Variants in TIPRL observed in about 807,000 individuals in gnomAD.
TIPRL encodes TIP41-like protein.
Under a neutral mutation model 32.3 loss-of-function variants are expected in TIPRL, and 10 were observed. The ratio of observed to expected loss-of-function variants is 0.31; its 90% CI spans 0.19 to 0.52. The LOEUF (loss-of-function observed/expected upper bound fraction) is 0.52, where lower values mean the gene tolerates loss of function less well. TIPRL is among the 20% of genes least tolerant of loss of function. The pLI is 0.96. For synonymous variants in TIPRL, 100 were observed against 114.0 expected, an observed-to-expected ratio of 0.88 and a Z score of 0.78; for missense variants, 250 against 328.1, an observed-to-expected ratio of 0.76 and a Z score of 1.84.
intron 1 of TIPRL, among the ~76,000 whole-genome samples, chr1:168,180,805 C>T (rs371374033): frequency 1.9e-4 from 25 of 132,166 alleles, no homozygotes; most frequent in Middle Eastern, 7.9e-3. Flanking sequence ...TCTTTCTTTT[C>T]TTTTTTTTTT....
chr1:168,179,348 G>A (rs1195423051), intron 1 of TIPRL, among the ~76,000 whole-genome samples, 167 bp downstream of exon 1: 1 of 152,148 alleles, frequency 6.6e-6, no homozygotes, highest in Non-Finnish European at 1.5e-5. Context: ...TCACACTTCC[G>A]GGCCCTTTGG....
At chr1:168,195,280 C>G (rs1173718021) in intron 4 of TIPRL, among the ~76,000 whole-genome samples, 1 of 152,188 alleles carries the variant, frequency 6.6e-6, no homozygotes, top group East Asian at 1.9e-4. Flanking sequence ...TGCAGGTCCC[C>G]TTTCTGAAAT....
intron 1 of TIPRL, among the ~76,000 whole-genome samples, chr1:168,180,119 G>C (rs1699941594): frequency 2.0e-5 from 3 of 152,186 alleles, no homozygotes; most frequent in African/African-American, 4.8e-5. Context: ...TTTCTCTGGA[G>C]GCCATGTTGA....
chr1:168,192,212 G>C, intron 4 of TIPRL: 3 of 1,490,176 alleles, frequency 2.0e-6, no homozygotes, highest in Non-Finnish European at 2.7e-6. Flanking sequence ...TTTCAGCCTG[G>C]TGGCGGGCAC....
Position 168,178,982 on chromosome 1 carries a change from T to G in TIPRL, c.-96T>G. The stretch of plus-strand genomic sequence containing the variant: ...CGGGCATGGTAACGGCTCGGAAGCC[T>G]AGGAGGCTGGGCCGGAGGGAGGCGG... On this transcript the variant is annotated 5_prime_UTR_variant, in exon 1 of 7. Coordinates refer to ENST00000367833, the MANE Select transcript of TIPRL (RefSeq NM_152902.5). 1 of 1,140,872 alleles carries G rather than the reference T, an allele frequency of 8.8e-7. No individual in the cohort carries two copies. The highest frequency in any genetic ancestry group is 1.2e-6 in the Non-Finnish European group (1 of 804,220). 70.7% of individuals were successfully genotyped at this position (1,140,872 alleles called of 1,614,324 possible). A position where few individuals can be genotyped will look rare whatever the true frequency, so the allele number is the denominator to read the frequency against.
At chr1:168,191,642 C>T (rs1328872678) in intron 4 of TIPRL, 142 bp downstream of exon 4, 14 of 581,496 alleles carry the variant, frequency 2.4e-5, no homozygotes, top group East Asian at 4.4e-5. Flanking sequence ...GAGGCTGAGG[C>T]GGGCTGGATC....
At chr1:168,182,557 C>T (rs777168721) in intron 1 of TIPRL, among the ~76,000 whole-genome samples, 12 of 151,948 alleles carry the variant, frequency 7.9e-5, no homozygotes, top group African/African-American at 2.7e-4. Flanking sequence ...ATCTGGGAGG[C>T]GGAAGTTGCA....
intron 1 of TIPRL, among the ~76,000 whole-genome samples, chr1:168,181,128 G>A (rs983065216): frequency 2.6e-4 from 39 of 151,386 alleles, no homozygotes; most frequent in African/African-American, 8.0e-4. Flanking sequence ...GACTACAGGC[G>A]CGTGCCACCA....
intron 3 of TIPRL, among the ~76,000 whole-genome samples, chr1:168,186,092 A>T (rs1433832766): frequency 3.3e-5 from 5 of 150,964 alleles, no homozygotes; most frequent in Admixed American, 1.3e-4. Flanking sequence ...AAAAAAAAAA[A>T]AAAAAAAAAA....
At chr1:168,187,389 C>T (rs2294253) in intron 3 of TIPRL, among the ~76,000 whole-genome samples, 68,690 of 152,048 alleles carry the variant, frequency 0.45, 18,699 homozygotes, top group African/African-American at 0.75. Context: ...GTGAGAACCA[C>T]AGCTGTACAA....
chr1:168,193,262 T>C (rs1700119868), intron 4 of TIPRL, among the ~76,000 whole-genome samples: 1 of 152,148 alleles, frequency 6.6e-6, no homozygotes, highest in Non-Finnish European at 1.5e-5. Context: ...GATTTTGAAA[T>C]TGTAGTGAAT....
chr1:168,188,889 A>T (rs1248974404), intron 3 of TIPRL, among the ~76,000 whole-genome samples: 1 of 152,140 alleles, frequency 6.6e-6, no homozygotes, highest in Non-Finnish European at 1.5e-5. Flanking sequence ...GCTGAGGCAC[A>T]AGAATTGGTT....
intron 4 of TIPRL, among the ~76,000 whole-genome samples, chr1:168,196,337 C>T (rs1428131900): frequency 6.6e-6 from 1 of 151,974 alleles, no homozygotes; most frequent in Non-Finnish European, 1.5e-5. Context: ...TTTAGGAAAC[C>T]GAAACTATGA....
intron 4 of TIPRL, among the ~76,000 whole-genome samples, chr1:168,193,775 T>G (rs1044745247): frequency 1.3e-5 from 2 of 152,222 alleles, no homozygotes; most frequent in African/African-American, 4.8e-5. Context: ...GATATTACTA[T>G]CCTGTAGTGA....
chr1:168,193,358 T>TTTTC (rs1490774986), intron 4 of TIPRL, among the ~76,000 whole-genome samples: 1 of 152,144 alleles, frequency 6.6e-6, no homozygotes, highest in East Asian at 1.9e-4. Flanking sequence ...AATTGCAAAG[T>TTTTC]TTTCTTTGTA....
At chr1:168,195,923 C>G (rs912515342) in intron 4 of TIPRL, among the ~76,000 whole-genome samples, 3 of 152,164 alleles carry the variant, frequency 2.0e-5, no homozygotes, top group African/African-American at 7.2e-5. Flanking sequence ...TTCAACCGCT[C>G]TCTCCCCGCC....
At chr1:168,183,876 C>T in intron 1 of TIPRL, 26 bp from the exon 2 acceptor site, 1 of 1,590,434 alleles carries the variant, frequency 6.3e-7, no homozygotes, top group Non-Finnish European at 8.6e-7. Flanking sequence ...ATAAAATTAT[C>T]TCACCCGACT....
intron 1 of TIPRL, among the ~76,000 whole-genome samples, chr1:168,180,572 G>A (rs1699948049): frequency 6.6e-6 from 1 of 152,216 alleles, no homozygotes; most frequent in African/African-American, 2.4e-5. Context: ...TCATAAAATA[G>A]AACCCTAAGT....
At chr1:168,194,600 A>G (rs2281014) in intron 4 of TIPRL, among the ~76,000 whole-genome samples, 64,919 of 152,058 alleles carry the variant, frequency 0.43, 15,269 homozygotes, top group African/African-American at 0.61. Context: ...TCAAATAATA[A>G]TGATGTGCTT....
Sources: gnomAD v4.1 joint callset for allele counts (sites outside exome capture counted in the v4.1 genomes callset) on GRCh38, gnomAD v4.1.1 for gene constraint, MANE v1.5 for transcripts, NCBI Gene and HGNC (gene_info 2026-07-23, HGNC 2026-07-21) for gene names.